GATAD2A: variants seen among roughly 807,000 people sequenced by gnomAD.
GATAD2A encodes the protein GATA zinc finger domain containing 2A.
In GATAD2A, 12 loss-of-function variants were observed where a neutral mutation model predicts 68.5. That is an observed-to-expected ratio of 0.18 (90% CI 0.11 to 0.28). The LOEUF (loss-of-function observed/expected upper bound fraction) is 0.28, where lower values mean the gene tolerates loss of function less well. GATAD2A is among the 10% of genes least tolerant of loss of function. The pLI is 1.00. For missense variants in GATAD2A, 755 were observed against 868.5 expected (o/e 0.87, Z 1.64); for synonymous variants, 410 against 375.3 (o/e 1.09, Z -1.07).
intron 11 of GATAD2A, among the ~76,000 whole-genome samples, chr19:19,503,708 G>A (rs1476874731): frequency 6.6e-6 from 1 of 151,840 alleles, no homozygotes; most frequent in Non-Finnish European, 1.5e-5. Flanking sequence ...GGCATCACTA[G>A]TTGTGTGTCT....
chr19:19,492,736 C>T (rs111762160), intron 4 of GATAD2A, 24 bp downstream of exon 4: 10 of 1,613,360 alleles, frequency 6.2e-6, no homozygotes, highest in Non-Finnish European at 8.5e-7. Context: ...TCCCCTCCTT[C>T]CTGGGCCAGC....
At chr19:19,492,557 A>G (rs757404361) in intron 3 of GATAD2A, 24 bp from the exon 4 acceptor site, 2 of 1,613,854 alleles carry the variant, frequency 1.2e-6, no homozygotes, top group South Asian at 2.2e-5. Flanking sequence ...CTCCCTCTCA[A>G]CCCTGTTCCT....
chr19:19,433,723 T>C (rs992734116), intron 1 of GATAD2A, among the ~76,000 whole-genome samples: 1 of 152,228 alleles, frequency 6.6e-6, no homozygotes, highest in African/African-American at 2.4e-5. Context: ...TGATGAAAAG[T>C]GTAACACTAA....
At chr19:19,412,417 A>G (rs2051067253) in intron 1 of GATAD2A, among the ~76,000 whole-genome samples, 1 of 151,832 alleles carries the variant, frequency 6.6e-6, no homozygotes, top group South Asian at 2.1e-4. Context: ...GGCCTCCCAA[A>G]GTGCTGGCAT....
chr19:19,417,558 T>C (rs2051812349), intron 1 of GATAD2A, among the ~76,000 whole-genome samples: 1 of 152,030 alleles, frequency 6.6e-6, no homozygotes, highest in Non-Finnish European at 1.5e-5. Flanking sequence ...GACCTCAGGA[T>C]TTATGGAAAG....
chr19:19,500,915 G>A (rs927910555), intron 8 of GATAD2A, among the ~76,000 whole-genome samples: 2 of 152,238 alleles, frequency 1.3e-5, no homozygotes, highest in East Asian at 1.9e-4. Context: ...CATGTCCAGC[G>A]ATGGGTGGGA....
At chr19:19,443,916 C>T (rs80200208) in intron 1 of GATAD2A, among the ~76,000 whole-genome samples, 23,900 of 151,738 alleles carry the variant, frequency 0.16, 1,991 homozygotes, top group Middle Eastern at 0.27. Flanking sequence ...CAGAGGGGAC[C>T]GTGGCCTGTC....
chr19:19,463,430 A>G (rs2057618895), intron 1 of GATAD2A, among the ~76,000 whole-genome samples: 1 of 152,152 alleles, frequency 6.6e-6, no homozygotes, highest in African/African-American at 2.4e-5. Flanking sequence ...TCCCCCAGAG[A>G]AGTGAGGCCA....
chr19:19,418,842 G>T (rs535566149), intron 1 of GATAD2A, among the ~76,000 whole-genome samples: 1 of 152,186 alleles, frequency 6.6e-6, no homozygotes, highest in Admixed American at 6.5e-5. Context: ...GGTTGTGGTC[G>T]CCGGAAGGAA....
chr19:19,488,304 C>T (rs1463133016), intron 2 of GATAD2A, among the ~76,000 whole-genome samples: 1 of 152,216 alleles, frequency 6.6e-6, no homozygotes, highest in East Asian at 1.9e-4. Context: ...ACAGAAATTC[C>T]TTTTATCCAG....
At chr19:19,430,635 A>G (rs868056182) in intron 1 of GATAD2A, among the ~76,000 whole-genome samples, 2 of 152,080 alleles carry the variant, frequency 1.3e-5, no homozygotes, top group African/African-American at 4.8e-5. Flanking sequence ...GGAAGGGACA[A>G]CGGGGCTTCC....
At chr19:19,414,619 C>G (rs2051358674) in intron 1 of GATAD2A, among the ~76,000 whole-genome samples, 1 of 146,148 alleles carries the variant, frequency 6.8e-6, no homozygotes, top group Non-Finnish European at 1.5e-5. Flanking sequence ...CTCACTGCAA[C>G]CTCTGCATCA....
chr19:19,474,343 T>C (rs1336634065), intron 2 of GATAD2A, among the ~76,000 whole-genome samples: 1 of 152,032 alleles, frequency 6.6e-6, no homozygotes, highest in Admixed American at 6.6e-5. Flanking sequence ...TGAATTTAGG[T>C]CACAAACTTT....
rs1258638672 is a variant in GATAD2A, at chr19:19,507,427, C to G, written c.*1953C>G. On this transcript the variant is annotated 3_prime_UTR_variant, in exon 12 of 12. Transcript: ENST00000683918. ...AAGGAGCACCCAGGCTGGCTTCTTC[C>G]CACTGAAAGCCCTCCCCAGCGAACC... 3 of 152,206 alleles carry G rather than the reference C, an allele frequency of 2.0e-5. No homozygotes were observed. The highest frequency in any genetic ancestry group is 2.9e-5 in the Non-Finnish European group (2 of 68,054). The allele number at this position is 152,206 out of a possible 1,614,324, so 9.4% of individuals were successfully genotyped here. A position where few individuals can be genotyped will look rare whatever the true frequency, so the allele number is the denominator to read the frequency against.
intron 1 of GATAD2A, among the ~76,000 whole-genome samples, chr19:19,419,510 CTTTTTTTTTTTT>C (rs57019208): frequency 9.0e-6 from 1 of 110,650 alleles, no homozygotes; most frequent in Non-Finnish European, 1.8e-5. Context: ...ATCTCTACAT[CTTTTTTTTTTTT>C]TTTTTTTTTT....
intron 1 of GATAD2A, among the ~76,000 whole-genome samples, chr19:19,414,465 T>C (rs904687077): frequency 1.3e-5 from 2 of 152,050 alleles, no homozygotes; most frequent in Admixed American, 6.6e-5. Context: ...GTGAATTTTG[T>C]TTTAGCTTCC....
chr19:19,406,604 T>G (rs1413701545), intron 1 of GATAD2A, among the ~76,000 whole-genome samples: 1 of 152,192 alleles, frequency 6.6e-6, no homozygotes, highest in Non-Finnish European at 1.5e-5. Context: ...ATCTCCGGCC[T>G]TTCTCAAGGC....
chr19:19,473,961 A>G (rs1248190236), intron 2 of GATAD2A: 1 of 779,898 alleles, frequency 1.3e-6, no homozygotes, highest in Non-Finnish European at 1.6e-6. Context: ...AACAAAAACA[A>G]CACATATTAA....
At chr19:19,442,131 A>C (rs2055167848) in intron 1 of GATAD2A, among the ~76,000 whole-genome samples, 1 of 150,758 alleles carries the variant, frequency 6.6e-6, no homozygotes, top group Non-Finnish European at 1.5e-5. Context: ...AAGTGCTGGG[A>C]TTACAGGCGT....
Sources: allele counts gnomAD v4.1 joint callset (sites outside exome capture counted in the v4.1 genomes callset), GRCh38; gene constraint gnomAD v4.1.1; transcripts MANE v1.5; gene names NCBI Gene and HGNC (gene_info 2026-07-23, HGNC 2026-07-21).